AKT2: variants seen among roughly 807,000 people sequenced by gnomAD.
AKT2 encodes RAC-beta serine/threonine-protein kinase.
In AKT2, 16 loss-of-function variants were observed where a neutral mutation model predicts 58.6. That is an observed-to-expected ratio of 0.27 (90% CI 0.18 to 0.41). The LOEUF is 0.41. AKT2 is among the 10% of genes least tolerant of loss of function. The pLI is 1.00. For synonymous variants in AKT2, 253 were observed against 254.0 expected (o/e 1.00, Z 0.04); for missense variants, 438 against 661.0 (o/e 0.66, Z 3.70).
chr19:40,256,972 C>T lies in AKT2; in HGVS notation c.129G>A (p.Glu43=), dbSNP rs2145306581. Residue 43 remains glutamate, a synonymous_variant, in exon 3 of 14, where the codon GAG becomes GAA. Coordinates refer to ENST00000392038, the MANE Select transcript of AKT2 (RefSeq NM_001626.6). ...GSFIGYKERP[E]APDQTLPPLN... Reference sequence around the variant, plus strand: ...AGGGGGGTAGAGTCTGATCAGGGGCCTCGGGCCTCTCCTTGTACCCAATGA... The same window carrying T: ...AGGGGGGTAGAGTCTGATCAGGGGCTTCGGGCCTCTCCTTGTACCCAATGA... The T allele has an allele frequency of 6.2e-7, 1 of 1,614,156 alleles. No individual in the cohort carries two copies. Among genetic ancestry groups the T allele is most frequent in the Non-Finnish European group, 8.5e-7 (1 of 1,180,018 alleles).
Position 40,242,316 on chromosome 19 carries a change from G to A in AKT2, c.441+218C>T, listed in dbSNP as rs1472009942. The A allele has an allele frequency of 4.6e-6, 4 of 873,940 alleles. No individual in the cohort carries two copies. Among genetic ancestry groups the A allele is most frequent in the African/African-American group, 3.3e-5 (2 of 60,078 alleles). The allele number at this position is 873,940 out of a possible 1,614,324, so 54.1% of individuals were successfully genotyped here. ...TAGCCAGGTCTTCACCAACTCCCAG[G>A]ACGAACCTGCAGTGGGTCCACCCAA... On this transcript the variant is annotated intron_variant, in intron 5 of 13. Coordinates refer to ENST00000392038, the MANE Select transcript of AKT2 (RefSeq NM_001626.6). The surrounding 1 kb of genome is among the most constrained non-coding windows in gnomAD (Gnocchi z 4.3).
At position 40,255,043 on chromosome 19, in the gene AKT2, C is replaced by T. The variant is rs374102842; in HGVS notation, c.287+115G>A. The T allele has an allele frequency of 1.8e-4, 147 of 810,848 alleles. No individual in the cohort carries two copies. In the Admixed American group the frequency reaches 1.8e-3, roughly 10 times the overall value. The allele number at this position is 810,848 out of a possible 1,614,324, so 50.2% of individuals were successfully genotyped here. A position where few individuals can be genotyped will look rare whatever the true frequency, so the allele number is the denominator to read the frequency against. ...GCTGGAGAGACCCCCCAACCAGAAGCGCAGATAGGAAACCCCTATGTAGGG... is the reference window on the plus strand; with the variant it reads ...GCTGGAGAGACCCCCCAACCAGAAGTGCAGATAGGAAACCCCTATGTAGGG... On this transcript the variant is annotated intron_variant, in intron 4 of 13. Transcript: ENST00000392038.
At chr19:40,285,000 G>GC (rs1188026234) in intron 1 of AKT2, 181 bp downstream of exon 1, 4 of 372,904 alleles carry the variant, frequency 1.1e-5, no homozygotes, top group South Asian at 2.9e-4. Flanking sequence ...CACCGCCCCG[G>GC]CCCCCCGAGG....
At chr19:40,275,475 G>T in intron 1 of AKT2, 1 of 377,080 alleles carries the variant, frequency 2.7e-6, no homozygotes, top group Non-Finnish European at 5.4e-6. Flanking sequence ...CAGCCAGCCT[G>T]TGTTACTATC....
At chr19:40,244,350 G>T (rs1044783008) in intron 4 of AKT2, 7 of 151,018 alleles carry the variant, frequency 4.6e-5, no homozygotes, top group African/African-American at 1.7e-4. Flanking sequence ...GGGCTAAGGT[G>T]GGAGAACTGC....
chr19:40,280,249 C>T (rs942354943), intron 1 of AKT2, among the ~76,000 whole-genome samples: 6 of 152,166 alleles, frequency 3.9e-5, no homozygotes, highest in South Asian at 2.1e-4. Flanking sequence ...AGTATTAGTC[C>T]GGCTGGTTGG....
intron 1 of AKT2, chr19:40,266,359 C>G (rs1204078731): frequency 1.3e-5 from 2 of 152,238 alleles, no homozygotes; most frequent in African/African-American, 4.8e-5. Flanking sequence ...AGCTTTCTCT[C>G]GTGCCCCAGG....
At chr19:40,247,526 G>A (rs527403736) in intron 4 of AKT2, among the ~76,000 whole-genome samples, 1 of 152,264 alleles carries the variant, frequency 6.6e-6, no homozygotes, top group African/African-American at 2.4e-5. Flanking sequence ...AAAGCTACAC[G>A]AGACTCAGGA....
At chr19:40,270,369 T>C (rs1976619433) in intron 1 of AKT2, 1 of 152,048 alleles carries the variant, frequency 6.6e-6, no homozygotes, top group Admixed American at 6.5e-5. Context: ...GTGGAGTGGG[T>C]ACTTAATAAG....
At chr19:40,245,583 C>T (rs566467601) in intron 4 of AKT2, among the ~76,000 whole-genome samples, 50 of 152,248 alleles carry the variant, frequency 3.3e-4, no homozygotes, top group Admixed American at 9.2e-4. Flanking sequence ...ATGGGAAGCA[C>T]TTGCTATCAT....
intron 1 of AKT2, chr19:40,275,395 G>C (rs1327996992): frequency 2.2e-6 from 1 of 445,796 alleles, no homozygotes; most frequent in Non-Finnish European, 4.5e-6. Context: ...AGAAACCAGT[G>C]GGTCTGCATC....
intron 2 of AKT2, among the ~76,000 whole-genome samples, chr19:40,262,244 GAA>G (rs796807604): frequency 1.5e-5 from 2 of 133,304 alleles, no homozygotes; most frequent in African/African-American, 2.8e-5. Context: ...ATATATCTAT[GAA>G]AAAAAAAAAA....
At position 40,233,774 on chromosome 19, in the gene AKT2, TG is replaced by T; in HGVS notation, c.*97del. 2 of 912,754 alleles carry T rather than the reference TG, an allele frequency of 2.2e-6. No homozygotes were observed. The highest frequency in any genetic ancestry group is 3.0e-6 in the Non-Finnish European group (2 of 665,852). The allele number at this position is 912,754 out of a possible 1,614,324, so 56.5% of individuals were successfully genotyped here. On this transcript the variant is annotated 3_prime_UTR_variant, in exon 14 of 14. Transcript: ENST00000392038. This position sits in a 1 kb window ranked among gnomAD's most constrained non-coding sequence, Gnocchi z 4.3. ...TGGAAAGGGGGTGAGGAGGTGGGGG[TG>T]GGGACACAAACCAAAAAGGCTAAGT...
Position 40,265,398 on chromosome 19 carries a change from C to A in AKT2, c.-84-47G>T, listed in dbSNP as rs1224644949. On this transcript the variant is annotated intron_variant, in intron 1 of 13. Transcript: ENST00000392038. Reference sequence around the variant, plus strand: ...GGTCAGGGCGGGAGGGGATTCCACACCAGCCCCTTCCCTGAGGACGCCGGG... The same window carrying A: ...GGTCAGGGCGGGAGGGGATTCCACAACAGCCCCTTCCCTGAGGACGCCGGG... 3.3e-6 allele frequency: 5 copies of A among 1,528,212 alleles called. No individual in the cohort carries two copies. The Admixed American group carries it at 9.8e-5, about 30-fold the overall frequency. 94.7% of individuals were successfully genotyped at this position (1,528,212 alleles called of 1,614,324 possible).
At chr19:40,250,981 T>C (rs1052284680) in intron 4 of AKT2, among the ~76,000 whole-genome samples, 2 of 152,024 alleles carry the variant, frequency 1.3e-5, no homozygotes, top group East Asian at 1.9e-4. Flanking sequence ...GGAGGGAGGA[T>C]TGCTTGAGAC....
At chr19:40,272,097 CA>C (rs1168076754) in intron 1 of AKT2, among the ~76,000 whole-genome samples, 1 of 152,230 alleles carries the variant, frequency 6.6e-6, no homozygotes, top group East Asian at 1.9e-4. Context: ...ACCCTCACAG[CA>C]ACACTTTGAG....
intron 7 of AKT2, 26 bp downstream of exon 7, chr19:40,240,019 T>C (rs778468804): frequency 6.8e-6 from 11 of 1,611,016 alleles, no homozygotes; most frequent in Middle Eastern, 1.6e-4. Context: ...GGCCTCACAC[T>C]GTCTGGGAAG....
In AKT2 at chr19:40,265,313, C is replaced by A. The variant is rs1390305796; in HGVS notation, c.-46G>T. On this transcript the variant is annotated 5_prime_UTR_variant, in exon 2 of 14. Transcript: ENST00000392038. ...TCACCTAGCTCGGGACAGCTCAGGG[C>A]AGCAGGACATGCAGGAGGCACCGTG... 9.3e-6 allele frequency: 15 copies of A among 1,604,622 alleles called. No homozygotes were observed. The highest frequency in any genetic ancestry group is 1.2e-5 in the Non-Finnish European group (14 of 1,175,910).
chr19:40,279,998 C>G (rs917208368), intron 1 of AKT2, among the ~76,000 whole-genome samples: 2 of 152,206 alleles, frequency 1.3e-5, no homozygotes, highest in Non-Finnish European at 2.9e-5. Flanking sequence ...GATCACCCAG[C>G]TATAGTGGAG....
Sources: gnomAD v4.1 joint callset for allele counts (sites outside exome capture counted in the v4.1 genomes callset) on GRCh38, gnomAD v4.1.1 for gene constraint, Gnocchi (gnomAD v3.1) non-coding constraint, MANE v1.5 for transcripts, NCBI Gene and HGNC (gene_info 2026-07-23, HGNC 2026-07-21) for gene names.